EYS: variants seen among roughly 807,000 people sequenced by gnomAD.
EYS encodes EGF-like photoreceptor maintenance factor.
Under a neutral mutation model 282.1 loss-of-function variants are expected in EYS, and 250 were observed. The observed-to-expected ratio is 0.89, with a 90% CI of 0.80 to 0.98. The LOEUF (loss-of-function observed/expected upper bound fraction) is 0.98, where lower values mean the gene tolerates loss of function less well. EYS is among the 50% of genes least tolerant of loss of function. EYS has a pLI of 0.00. For missense variants in EYS, 4,016 were observed against 3,709.0 expected (o/e 1.08, Z -2.15); for synonymous variants, 1,355 against 1,282.9 (o/e 1.06, Z -1.20).
intron 26 of EYS, among the ~76,000 whole-genome samples, chr6:64,587,478 A>AT (rs1766269674): frequency 6.6e-6 from 1 of 152,074 alleles, no homozygotes; most frequent in African/African-American, 2.4e-5. Context: ...ATGGCCTACT[A>AT]TATCATTTCT....
At chr6:64,014,161 C>T (rs573923512) in intron 33 of EYS, among the ~76,000 whole-genome samples, 22 of 151,836 alleles carry the variant, frequency 1.4e-4, no homozygotes, top group African/African-American at 5.3e-4. Context: ...GTTAAAAGAC[C>T]GTATGGAAAA....
chr6:64,350,511 G>C (rs947232138), intron 29 of EYS, among the ~76,000 whole-genome samples: 5 of 151,468 alleles, frequency 3.3e-5, no homozygotes, highest in African/African-American at 1.2e-4. Flanking sequence ...CAGTTGTATG[G>C]ATCTGGGCAT....
intron 31 of EYS, among the ~76,000 whole-genome samples, chr6:64,088,285 G>T (rs1282988749): frequency 6.6e-6 from 1 of 151,866 alleles, no homozygotes; most frequent in Non-Finnish European, 1.5e-5. Flanking sequence ...AATGAAAAAA[G>T]CAACAAGGTC....
intron 35 of EYS, among the ~76,000 whole-genome samples, chr6:63,970,994 G>C (rs1224086144): frequency 6.6e-6 from 1 of 152,196 alleles, no homozygotes; most frequent in East Asian, 1.9e-4. Context: ...GCAATATTAA[G>C]ATTGCTGGGT....
At chr6:63,888,437 GA>G (rs1281706928) in intron 35 of EYS, among the ~76,000 whole-genome samples, 7 of 152,230 alleles carry the variant, frequency 4.6e-5, no homozygotes, top group African/African-American at 9.6e-5. Flanking sequence ...GCTTCCAGAG[GA>G]AGGATCAGGC....
intron 31 of EYS, among the ~76,000 whole-genome samples, chr6:64,134,378 T>A (rs1352132048): frequency 1.4e-5 from 2 of 147,228 alleles, no homozygotes; most frequent in South Asian, 4.2e-4. Flanking sequence ...ATAGATGTTT[T>A]TAGCAAAAAA....
intron 29 of EYS, among the ~76,000 whole-genome samples, chr6:64,351,386 C>A (rs1485243622): frequency 6.6e-6 from 1 of 151,068 alleles, no homozygotes; most frequent in Non-Finnish European, 1.5e-5. Flanking sequence ...GAATTTCTGT[C>A]TCCCTTGAAT....
At chr6:65,105,180 G>A (rs1438819499) in intron 12 of EYS, among the ~76,000 whole-genome samples, 2 of 151,662 alleles carry the variant, frequency 1.3e-5, no homozygotes, top group African/African-American at 2.4e-5. Flanking sequence ...TGAATTTTAT[G>A]AAAGACAATA....
At chr6:64,635,384 C>A (rs1316757878) in intron 22 of EYS, among the ~76,000 whole-genome samples, 1 of 152,196 alleles carries the variant, frequency 6.6e-6, no homozygotes, top group Admixed American at 6.5e-5. Context: ...TGAGAGAGGG[C>A]ATCCCTGTCT....
intron 13 of EYS, among the ~76,000 whole-genome samples, chr6:65,038,310 TG>T (rs1772830951): frequency 6.6e-6 from 1 of 151,556 alleles, no homozygotes; most frequent in Admixed American, 6.6e-5. Context: ...ATTTTTTTAA[TG>T]TTTTTCCTTA....
chr6:64,362,158 T>C (rs1772033330), intron 29 of EYS, among the ~76,000 whole-genome samples: 2 of 151,798 alleles, frequency 1.3e-5, no homozygotes, highest in African/African-American at 2.4e-5. Flanking sequence ...AGCTTCAACA[T>C]CTTCAACATC....
intron 2 of EYS, among the ~76,000 whole-genome samples, chr6:65,624,779 C>G (rs1766638947): frequency 6.6e-6 from 1 of 152,180 alleles, no homozygotes; most frequent in African/African-American, 2.4e-5. Context: ...ACCTTTTGGA[C>G]TTACACTACT....
chr6:63,785,833 T>C (rs996489137), intron 39 of EYS, among the ~76,000 whole-genome samples: 3 of 151,870 alleles, frequency 2.0e-5, no homozygotes, highest in Non-Finnish European at 2.9e-5. Context: ...ACCTGGAAAA[T>C]CCCTGTCTCT....
At chr6:65,622,718 T>C (rs146336388) in intron 2 of EYS, among the ~76,000 whole-genome samples, 1 of 152,180 alleles carries the variant, frequency 6.6e-6, no homozygotes, top group African/African-American at 2.4e-5. Context: ...AGACCACATT[T>C]TTAATGAATA....
chr6:64,276,717 A>G (rs1251719112), intron 30 of EYS, among the ~76,000 whole-genome samples: 1 of 152,170 alleles, frequency 6.6e-6, no homozygotes, highest in Non-Finnish European at 1.5e-5. Flanking sequence ...ATACTGAAAT[A>G]AAATTGGTTC....
At position 65,495,097 on chromosome 6, in the gene EYS, T is replaced by C; in HGVS notation, c.314A>G (p.Asn105Ser). 1 of 1,614,164 alleles carries C rather than the reference T, an allele frequency of 6.2e-7. No homozygotes were observed. The highest frequency in any genetic ancestry group is 8.5e-7 in the Non-Finnish European group (1 of 1,180,012). Residue 105 changes from asparagine to serine, a missense_variant, in exon 4 of 43, where the codon AAT becomes AGT. Transcript: ENST00000503581. ...SLQFPEINLMNVSETSFVGCV... is the reference protein window; with the variant it reads ...SLQFPEINLMSVSETSFVGCV... ...GCCAACGAAAGATGTTTCAGAAACA[T>C]TCATCAAATTTATTTCTGGAAATTG...
At chr6:64,983,246 T>A (rs1770740791) in intron 14 of EYS, among the ~76,000 whole-genome samples, 1 of 151,142 alleles carries the variant, frequency 6.6e-6, no homozygotes, top group African/African-American at 2.4e-5. Context: ...GACAGAATAA[T>A]GTACAATATG....
At chr6:64,463,825 G>A (rs1026488803) in intron 26 of EYS, among the ~76,000 whole-genome samples, 10 of 152,018 alleles carry the variant, frequency 6.6e-5, no homozygotes, top group Non-Finnish European at 1.3e-4. Flanking sequence ...CAAAATCCCC[G>A]CTGATGGCTT....
chr6:64,125,764 C>A (rs139102394), intron 31 of EYS, among the ~76,000 whole-genome samples: 1 of 127,294 alleles, frequency 7.9e-6, no homozygotes, highest in East Asian at 2.3e-4. Flanking sequence ...CCAGCCTGGG[C>A]GACAGAGCAA....
Sources: gnomAD v4.1 joint callset for allele counts (sites outside exome capture counted in the v4.1 genomes callset) on GRCh38, gnomAD v4.1.1 for gene constraint, MANE v1.5 for transcripts, NCBI Gene and HGNC (gene_info 2026-07-23, HGNC 2026-07-21) for gene names.